Variants in RBPJ observed in about 807,000 individuals in gnomAD.
RBPJ encodes the protein recombining binding protein suppressor of hairless.
Under a neutral mutation model 67.8 loss-of-function variants are expected in RBPJ, and 9 were observed. That is an observed-to-expected ratio of 0.13 (90% CI 0.08 to 0.23). RBPJ has a LOEUF of 0.23. RBPJ is among the 10% of genes least tolerant of loss of function. The probability of loss-of-function intolerance (pLI) is 1.00; values close to 1 mark genes in which losing one functional copy is unlikely to be tolerated. For missense variants in RBPJ, 305 were observed against 595.6 expected (o/e 0.51, Z 5.08); for synonymous variants, 198 against 203.3 (o/e 0.97, Z 0.22).
intron 3 of RBPJ, among the ~76,000 whole-genome samples, chr4:26,414,825 G>A (rs1020497214): frequency 6.6e-6 from 1 of 152,236 alleles, no homozygotes; most frequent in Non-Finnish European, 1.5e-5. Flanking sequence ...ACAGTGTATT[G>A]TTCTTTGAGC....
intron 1 of RBPJ, among the ~76,000 whole-genome samples, chr4:26,183,905 G>C (rs1717117648): frequency 6.6e-6 from 1 of 152,142 alleles, no homozygotes; most frequent in Non-Finnish European, 1.5e-5. Flanking sequence ...TCAGCTACTT[G>C]GGAGGCTGAG....
chr4:26,413,775 T>C (rs1455205951), intron 3 of RBPJ, among the ~76,000 whole-genome samples: 1 of 152,174 alleles, frequency 6.6e-6, no homozygotes, highest in African/African-American at 2.4e-5. Context: ...AGCCTGCTGG[T>C]GTCTGCTTGT....
chr4:26,286,850 TA>T (rs1721484396), intron 1 of RBPJ, among the ~76,000 whole-genome samples: 1 of 150,398 alleles, frequency 6.6e-6, no homozygotes. Flanking sequence ...CAGTGGCCAC[TA>T]TCTCTGTTCA....
chr4:26,364,201 TC>T (rs1296902826), intron 1 of RBPJ, among the ~76,000 whole-genome samples: 23 of 152,328 alleles, frequency 1.5e-4, no homozygotes, highest in African/African-American at 4.8e-4. Flanking sequence ...AATGTTAAAA[TC>T]CTTTTGGTAT....
At chr4:26,334,964 C>T (rs1003312389) in intron 1 of RBPJ, among the ~76,000 whole-genome samples, 14 of 152,208 alleles carry the variant, frequency 9.2e-5, no homozygotes, top group African/African-American at 3.1e-4. Flanking sequence ...TGTTTAGATT[C>T]GCATTTTAAA....
At chr4:26,182,316 T>A (rs1248468402) in intron 1 of RBPJ, among the ~76,000 whole-genome samples, 2 of 152,134 alleles carry the variant, frequency 1.3e-5, no homozygotes, top group Non-Finnish European at 2.9e-5. Flanking sequence ...CACTCCAGCC[T>A]GGGCAAAAGA....
intron 1 of RBPJ, among the ~76,000 whole-genome samples, chr4:26,287,038 C>T (rs905319635): frequency 1.2e-4 from 18 of 152,114 alleles, no homozygotes; most frequent in African/African-American, 4.1e-4. Context: ...CCGCCCACCT[C>T]GGCCTCCCAA....
At chr4:26,195,810 G>T (rs1717740628) in intron 1 of RBPJ, among the ~76,000 whole-genome samples, 1 of 152,138 alleles carries the variant, frequency 6.6e-6, no homozygotes, top group African/African-American at 2.4e-5. Context: ...TGGTCAGGCT[G>T]GTCTTGAACT....
intron 1 of RBPJ, among the ~76,000 whole-genome samples, chr4:26,351,274 A>G (rs1726770888): frequency 6.6e-6 from 1 of 152,306 alleles, no homozygotes; most frequent in African/African-American, 2.4e-5. Context: ...TTGAGATAGT[A>G]AAAGGGAATT....
chr4:26,353,654 G>A (rs1727040306), intron 1 of RBPJ, among the ~76,000 whole-genome samples: 1 of 145,832 alleles, frequency 6.9e-6, no homozygotes, highest in Non-Finnish European at 1.5e-5. Context: ...TCACACCCAA[G>A]CTGGTGTGTA....
intron 1 of RBPJ, among the ~76,000 whole-genome samples, chr4:26,269,554 C>T (rs980673142): frequency 3.9e-5 from 6 of 152,238 alleles, no homozygotes; most frequent in East Asian, 1.9e-4. Flanking sequence ...CCTCGCCAGG[C>T]GTCACCTTGG....
chr4:26,401,210 TATCTTACAGGTGAGAA>T (rs1732759024), intron 2 of RBPJ, among the ~76,000 whole-genome samples: 1 of 152,254 alleles, frequency 6.6e-6, no homozygotes, highest in South Asian at 2.1e-4. Context: ...TTACTGCCTT[TATCTTACAGGTGAGAA>T]AACTCAGGCT....
At chr4:26,246,299 G>A (rs570083800) in intron 1 of RBPJ, among the ~76,000 whole-genome samples, 47 of 152,130 alleles carry the variant, frequency 3.1e-4, no homozygotes, top group African/African-American at 1.1e-3. Flanking sequence ...AATTTATTCC[G>A]AAGTAGTTTA....
the RBPJ span, among the ~76,000 whole-genome samples, chr4:26,110,629 C>T: frequency 6.6e-6 from 1 of 152,202 alleles, no homozygotes; most frequent in African/African-American, 2.4e-5. This position sits in a 1 kb window ranked among gnomAD's most constrained non-coding sequence, Gnocchi z 4.5. Context: ...CAACATTTTC[C>T]AGTTCTCTTA....
intron 1 of RBPJ, among the ~76,000 whole-genome samples, chr4:26,279,666 G>A (rs776140772): frequency 3.9e-5 from 6 of 152,072 alleles, no homozygotes; most frequent in East Asian, 1.9e-4. Context: ...CCAGACAAGC[G>A]GTGACGAATT....
intron 3 of RBPJ, among the ~76,000 whole-genome samples, 185 bp downstream of exon 3, chr4:26,406,455 A>G (rs1733420781): frequency 6.6e-6 from 1 of 152,214 alleles, no homozygotes; most frequent in African/African-American, 2.4e-5. Context: ...TGTTAGGAAT[A>G]GATAATTGGT....
At chr4:26,353,878 C>T (rs1156374216) in intron 1 of RBPJ, among the ~76,000 whole-genome samples, 1 of 151,848 alleles carries the variant, frequency 6.6e-6, no homozygotes, top group Admixed American at 6.6e-5. Flanking sequence ...TCCCAAAGTG[C>T]TGGGATTACA....
intron 1 of RBPJ, among the ~76,000 whole-genome samples, chr4:26,170,474 G>A (rs116216890): frequency 0.011 from 1,646 of 151,806 alleles, 20 homozygotes; most frequent in African/African-American, 0.038. Flanking sequence ...CAGGGAGGCC[G>A]GCCAAGGCTG....
chr4:26,397,202 C>A (rs1732205779), intron 2 of RBPJ, among the ~76,000 whole-genome samples: 1 of 152,102 alleles, frequency 6.6e-6, no homozygotes, highest in Non-Finnish European at 1.5e-5. Flanking sequence ...TCTTTGTAAA[C>A]CGTAAGTATT....
Sources: gnomAD v4.1 joint callset for allele counts (sites outside exome capture counted in the v4.1 genomes callset) on GRCh38, gnomAD v4.1.1 for gene constraint, Gnocchi (gnomAD v3.1) non-coding constraint, MANE v1.5 for transcripts, NCBI Gene and HGNC (gene_info 2026-07-23, HGNC 2026-07-21) for gene names.